Variants in KIAA1671 observed in about 807,000 individuals in gnomAD.
KIAA1671 encodes the protein uncharacterized protein KIAA1671.
A neutral mutation model predicts 131.2 loss-of-function variants in KIAA1671; 52 were observed. The observed-to-expected ratio is 0.40, with a 90% CI of 0.32 to 0.50. The LOEUF is 0.50. Among genes scored for constraint, KIAA1671 ranks in the 20% least tolerant of loss-of-function variants. The probability of loss-of-function intolerance (pLI) is 0.73; values close to 1 mark genes in which losing one functional copy is unlikely to be tolerated. For missense variants in KIAA1671, 2,360 were observed against 2,364.2 expected (o/e 1.00, Z 0.04); for synonymous variants, 1,003 against 961.6 (o/e 1.04, Z -0.80).
intron 1 of KIAA1671, among the ~76,000 whole-genome samples, chr22:24,981,735 C>A (rs1368495586): frequency 6.6e-6 from 1 of 152,194 alleles, no homozygotes; most frequent in African/African-American, 2.4e-5. Context: ...TGACGAGACC[C>A]CATCTCTACA....
chr22:25,129,215 A>G (rs910926200), intron 6 of KIAA1671, among the ~76,000 whole-genome samples: 3 of 152,170 alleles, frequency 2.0e-5, no homozygotes, highest in African/African-American at 7.2e-5. Flanking sequence ...AAGACTAGTT[A>G]GTGCTAAAAG....
chr22:25,140,141 T>C (rs1412828767), intron 6 of KIAA1671, among the ~76,000 whole-genome samples: 1 of 152,252 alleles, frequency 6.6e-6, no homozygotes, highest in African/African-American at 2.4e-5. Flanking sequence ...CATTCTCAGC[T>C]GGAGGCTCGA....
chr22:24,968,686 T>C (rs758797952), intron 1 of KIAA1671, among the ~76,000 whole-genome samples: 5 of 152,174 alleles, frequency 3.3e-5, no homozygotes, highest in Non-Finnish European at 7.3e-5. Context: ...TGCATGGAGC[T>C]GTCTGGAGTA....
At chr22:25,177,543 TC>T in intron 9 of KIAA1671, 21 bp downstream of exon 9, 1 of 1,538,434 alleles carries the variant, frequency 6.5e-7, no homozygotes. Context: ...ACTTCTCTCC[TC>T]CTCAGATAGC....
chr22:24,989,843 G>A lies in KIAA1671; in HGVS notation c.-207-35790G>A, dbSNP rs116552887. On this transcript the variant is annotated intron_variant, in intron 1 of 12. Transcript: ENST00000358431. ...GCCCGGCAAAGGGACTTCTGCCAAA[G>A]GGACTCTTGTTTATTTGAGATTTGA... Among the ~76,000 whole-genome samples the A allele has an allele frequency of 4.0e-3, 603 of 152,234 alleles. 2 individuals are homozygous for A. The highest frequency in any genetic ancestry group is 0.014 in the African/African-American group (583 of 41,556).
intron 6 of KIAA1671, among the ~76,000 whole-genome samples, chr22:25,139,744 A>T (rs1195208527): frequency 6.6e-6 from 1 of 152,234 alleles, no homozygotes; most frequent in African/African-American, 2.4e-5. Flanking sequence ...TACTTTACAC[A>T]AGAGCTTAGG....
Position 25,029,486 on chromosome 22 carries a change from A to C in KIAA1671, c.1487A>C (p.Glu496Ala). 1 of 1,550,658 alleles carries C rather than the reference A, an allele frequency of 6.4e-7. No individual in the cohort carries two copies. Among genetic ancestry groups the C allele is most frequent in the Non-Finnish European group, 8.7e-7 (1 of 1,146,552 alleles). ...WTAESSEAKP[E>A]VRRRTFQARP... The stretch of plus-strand genomic sequence containing the variant: ...GCCGAGAGCTCAGAGGCTAAGCCCG[A>C]GGTCAGGAGGAGGACGTTCCAGGCT... The change falls in exon 3 of 13, where the codon GAG (glutamate) becomes GCG (alanine). Residue 496 changes from glutamate to alanine, a missense_variant. Physicochemically the swap from Glu to Ala is moderately radical, Grantham distance 107. This residue lies in a region of KIAA1671 where 1,185 missense variants were observed against 1,126.2 expected (regional missense o/e 1.05). Transcript: ENST00000358431.
chr22:25,190,652 GAGCCCAC>G (rs1934643218), intron 11 of KIAA1671, 43 bp from the exon 12 acceptor site: 2 of 1,470,932 alleles, frequency 1.4e-6, no homozygotes, highest in Admixed American at 3.9e-5. Flanking sequence ...TGCCCGCAAG[GAGCCCAC>G]AGTCTGGTTT....
At chr22:25,097,688 C>T (rs962992072) in intron 6 of KIAA1671, among the ~76,000 whole-genome samples, 6 of 151,328 alleles carry the variant, frequency 4.0e-5, no homozygotes, top group Non-Finnish European at 8.8e-5. Flanking sequence ...TGCAGTGAGC[C>T]GAGATCGCGC....
At position 25,194,978 on chromosome 22, in the gene KIAA1671, C is replaced by G. The variant is rs1934778532; in HGVS notation, c.*2577C>G. The G allele has an allele frequency of 6.6e-6, 1 of 152,220 alleles. No homozygotes were observed. The highest frequency in any genetic ancestry group is 2.4e-5 in the African/African-American group (1 of 41,468). The allele number at this position is 152,220 out of a possible 1,614,324, so 9.4% of individuals were successfully genotyped here. On this transcript the variant is annotated 3_prime_UTR_variant, in exon 13 of 13. Coordinates refer to ENST00000358431, the MANE Select transcript of KIAA1671 (RefSeq NM_001145206.2). ...AGGCTAAGCAAGGAGGCGTTGTATG[C>G]TAGTTTCTAGACTTTGCCTGGAGAC...
intron 6 of KIAA1671, among the ~76,000 whole-genome samples, chr22:25,076,017 C>G (rs546477890): frequency 6.7e-6 from 1 of 150,006 alleles, no homozygotes; most frequent in East Asian, 2.0e-4. Context: ...CTCAGGTGAT[C>G]CACCCGCCTT....
chr22:25,088,896 G>A (rs1456215056), intron 6 of KIAA1671, among the ~76,000 whole-genome samples: 1 of 151,914 alleles, frequency 6.6e-6, no homozygotes, highest in African/African-American at 2.4e-5. Flanking sequence ...ACACACACGT[G>A]CACGCACACA....
chr22:25,191,762 C>T (rs1362570313), intron 12 of KIAA1671, among the ~76,000 whole-genome samples: 1 of 152,152 alleles, frequency 6.6e-6, no homozygotes, highest in African/African-American at 2.4e-5. Flanking sequence ...GTGATGAGCA[C>T]AAGAGACTCA....
intron 3 of KIAA1671, 94 bp downstream of exon 3, chr22:25,029,634 C>T: frequency 1.1e-6 from 1 of 908,690 alleles, no homozygotes; most frequent in South Asian, 1.8e-5. Flanking sequence ...CTTGTCACCC[C>T]CCCTCAGTTT....
intron 6 of KIAA1671, among the ~76,000 whole-genome samples, chr22:25,118,357 G>A (rs559521299): frequency 4.0e-4 from 61 of 152,018 alleles, no homozygotes; most frequent in South Asian, 1.9e-3. Flanking sequence ...CCCTGAACAT[G>A]GGAGCCTCCT....
intron 1 of KIAA1671, among the ~76,000 whole-genome samples, chr22:24,962,811 G>T (rs189953300): frequency 6.6e-6 from 1 of 152,052 alleles, no homozygotes; most frequent in Non-Finnish European, 1.5e-5. Context: ...CATCTGAGCC[G>T]GTGCGCTTTC....
intron 9 of KIAA1671, chr22:25,179,570 G>C: frequency 6.7e-7 from 1 of 1,496,396 alleles, no homozygotes; most frequent in South Asian, 1.2e-5. Context: ...GAAGGGAACG[G>C]AGCCGCTTCC....
Position 25,133,607 on chromosome 22 carries a change from A to G in KIAA1671, c.4531-37213A>G, listed in dbSNP as rs1027529186. 2.0e-5 allele frequency among the ~76,000 whole-genome samples: 3 copies of G among 152,254 alleles called. No homozygotes were observed. In the East Asian group the frequency reaches 5.8e-4, roughly 29 times the overall value. ...GTGGAGGCTGGAGTGCAGTGGTGCAATCATAGTTCACTGCAGCCTCGAACT... is the reference window on the plus strand; with the variant it reads ...GTGGAGGCTGGAGTGCAGTGGTGCAGTCATAGTTCACTGCAGCCTCGAACT... On this transcript the variant is annotated intron_variant, in intron 6 of 12. Transcript: ENST00000358431.
In KIAA1671 at chr22:25,040,203, G is replaced by A; in HGVS notation, c.3073G>A (p.Ala1025Thr). The change falls in exon 5 of 13, where the codon GCG (alanine) becomes ACG (threonine). Residue 1025 changes from alanine (A) to threonine (T), a missense_variant. Physicochemically the swap from Ala to Thr is moderately conservative, Grantham distance 58 (BLOSUM62 0). This residue lies in a region of KIAA1671 where 1,161 missense variants were observed against 1,204.7 expected (regional missense o/e 0.96). Transcript: ENST00000358431. ...GCAAGGGTCACCTGTGGAACCCAAG[G>A]CGACATTTTTTGCAGTCACCTATCA... ...VKQGSPVEPK[A>T]TFFAVTYQIP... is the part of the protein sequence containing the mutation. 6.4e-7 allele frequency: 1 copy of A among 1,551,688 alleles called. No individual in the cohort carries two copies. Among genetic ancestry groups the A allele is most frequent in the Non-Finnish European group, 8.7e-7 (1 of 1,147,002 alleles).
Sources: gnomAD v4.1 joint callset for allele counts (sites outside exome capture counted in the v4.1 genomes callset) on GRCh38, gnomAD v4.1.1 for gene constraint, gnomAD v4.1.1 regional missense constraint, MANE v1.5 for transcripts, NCBI Gene and HGNC (gene_info 2026-07-23, HGNC 2026-07-21) for gene names.